The following ZPBP variants were observed in gnomAD, a reference collection of about 807,000 sequenced individuals.
ZPBP encodes zona pellucida binding protein, also known as zona pellucida-binding protein 1.
In ZPBP, 26 loss-of-function variants were observed where a neutral mutation model predicts 44.8. The ratio of observed to expected loss-of-function variants is 0.58; its 90% CI spans 0.43 to 0.81. The LOEUF is 0.81. ZPBP is among the 30% of genes least tolerant of loss of function. The pLI is 0.00. For missense variants in ZPBP, 409 were observed against 434.0 expected, an observed-to-expected ratio of 0.94 and a Z score of 0.51; for synonymous variants, 174 against 153.2, an observed-to-expected ratio of 1.14 and a Z score of -1.00.
intron 7 of ZPBP, among the ~76,000 whole-genome samples, chr7:49,962,655 G>C (rs1032525786): frequency 6.6e-6 from 1 of 151,702 alleles, no homozygotes; most frequent in Non-Finnish European, 1.5e-5. Context: ...AAGAAATAAT[G>C]AGCAAATAGA....
chr7:50,048,553 A>G lies in ZPBP; in HGVS notation c.487+9436T>C, dbSNP rs140562517. Among the ~76,000 whole-genome samples, 131 of 152,258 alleles carry G rather than the reference A, an allele frequency of 8.6e-4. No individual in the cohort carries two copies. The East Asian group carries it at 0.019, about 22-fold the overall frequency. ...GCAACAAAAGAAATTTGAAAAACTC[A>G]GAAATGAAAATTAACAGACTCCTAA... On this transcript the variant is annotated intron_variant, in intron 4 of 7. Coordinates refer to ENST00000046087, the MANE Select transcript of ZPBP (RefSeq NM_007009.3).
chr7:49,912,330 C>A, intron 1 of ZPBP: 1 of 762,992 alleles, frequency 1.3e-6, no homozygotes, highest in Non-Finnish European at 2.0e-6. Flanking sequence ...TTCTTGATAA[C>A]AGTTACTACA....
chr7:49,940,842 T>C, intron 7 of ZPBP: 1 of 972,354 alleles, frequency 1.0e-6, no homozygotes, highest in Non-Finnish European at 1.2e-6. Flanking sequence ...GATTGGTTTG[T>C]GATGGGTGCA....
intron 1 of ZPBP, among the ~76,000 whole-genome samples, chr7:50,091,443 G>A (rs1347173603): frequency 6.6e-6 from 1 of 152,124 alleles, no homozygotes; most frequent in Non-Finnish European, 1.5e-5. Context: ...ACATGCAGAA[G>A]AATGAAACTG....
At chr7:49,944,885 T>G (rs1208949819) in intron 7 of ZPBP, among the ~76,000 whole-genome samples, 4 of 152,126 alleles carry the variant, frequency 2.6e-5, no homozygotes, top group African/African-American at 9.6e-5. Context: ...TTCCTTCTAC[T>G]AATTTGGGGT....
chr7:49,887,476 T>C (rs1285146598), intron 2 of ZPBP, among the ~76,000 whole-genome samples: 1 of 150,514 alleles, frequency 6.6e-6, no homozygotes, highest in Non-Finnish European at 1.5e-5. Context: ...TGGATTACAA[T>C]GTTTTTGTTT....
chr7:49,886,357 T>C (rs1483661437), intron 2 of ZPBP, among the ~76,000 whole-genome samples: 3 of 152,210 alleles, frequency 2.0e-5, no homozygotes, highest in Non-Finnish European at 4.4e-5. Context: ...ATATTAAGCT[T>C]CCTGTAGCTT....
At chr7:49,981,374 T>C (rs1562819310) in intron 7 of ZPBP, among the ~76,000 whole-genome samples, 2 of 3,970 alleles carry the variant, frequency 5.0e-4, no homozygotes, top group Non-Finnish European at 8.5e-4. Flanking sequence ...TAATTATATA[T>C]ATTATATATA....
chr7:49,960,681 G>T (rs1427948089), intron 7 of ZPBP, among the ~76,000 whole-genome samples: 1 of 151,992 alleles, frequency 6.6e-6, no homozygotes, highest in Non-Finnish European at 1.5e-5. Context: ...CTTAAAAATG[G>T]GAAAGATAGT....
At chr7:49,917,159 T>G (rs1181075646) in intron 1 of ZPBP, 1 of 152,202 alleles carries the variant, frequency 6.6e-6, no homozygotes, top group East Asian at 1.9e-4. Flanking sequence ...ACTGATACAA[T>G]AATGAGCTGA....
chr7:49,939,841 T>C (rs1794790901), intron 7 of ZPBP, among the ~76,000 whole-genome samples: 2 of 152,136 alleles, frequency 1.3e-5, no homozygotes, highest in South Asian at 4.1e-4. Context: ...GGTCACATAC[T>C]TTGTGTTTCT....
chr7:49,903,460 A>T (rs1390262468), intron 1 of ZPBP, among the ~76,000 whole-genome samples: 1 of 152,228 alleles, frequency 6.6e-6, no homozygotes, highest in Non-Finnish European at 1.5e-5. Context: ...CAAAGGCTTT[A>T]TGCTGAGTTT....
At chr7:50,032,212 C>T (rs564937718) in intron 4 of ZPBP, among the ~76,000 whole-genome samples, 1 of 152,204 alleles carries the variant, frequency 6.6e-6, no homozygotes, top group South Asian at 2.1e-4. Context: ...TTCTAACATG[C>T]TTTTTGTACT....
At chr7:49,995,888 G>T (rs936938601) in intron 6 of ZPBP, among the ~76,000 whole-genome samples, 1 of 152,166 alleles carries the variant, frequency 6.6e-6, no homozygotes, top group Non-Finnish European at 1.5e-5. Flanking sequence ...GGGGCGGGCA[G>T]TGAAGAGAGT....
intron 7 of ZPBP, chr7:49,940,676 G>T: frequency 1.8e-5 from 14 of 767,780 alleles, no homozygotes; most frequent in Non-Finnish European, 1.9e-5. Flanking sequence ...AGCTGTGTTT[G>T]AAATGATTAA....
At chr7:49,980,077 T>C (rs1354582625) in intron 7 of ZPBP, among the ~76,000 whole-genome samples, 2 of 11,954 alleles carry the variant, frequency 1.7e-4, no homozygotes, top group Non-Finnish European at 3.2e-4. Context: ...TTATAATATA[T>C]ATAATATAAT....
chr7:50,076,205 G>C (rs1466075974), intron 3 of ZPBP, among the ~76,000 whole-genome samples: 1 of 151,778 alleles, frequency 6.6e-6, no homozygotes, highest in Non-Finnish European at 1.5e-5. Context: ...AAAAGCATTT[G>C]ATAAAATTCA....
chr7:49,922,281 A>G (rs1378594995), intron 1 of ZPBP, among the ~76,000 whole-genome samples: 1 of 152,220 alleles, frequency 6.6e-6, no homozygotes, highest in Non-Finnish European at 1.5e-5. Flanking sequence ...ATCGAGAAAT[A>G]TGGACTAACA....
chr7:49,855,186 C>T (rs141494334), intron 2 of ZPBP, among the ~76,000 whole-genome samples: 42 of 152,286 alleles, frequency 2.8e-4, no homozygotes, highest in African/African-American at 9.9e-4. Flanking sequence ...TTTCTTAGTT[C>T]CCAAAAGGCA....
Sources: allele counts gnomAD v4.1 joint callset (sites outside exome capture counted in the v4.1 genomes callset), GRCh38; gene constraint gnomAD v4.1.1; transcripts MANE v1.5; gene names NCBI Gene and HGNC (gene_info 2026-07-23, HGNC 2026-07-21).